Variants in SGCZ observed in about 807,000 individuals in gnomAD.
SGCZ encodes the protein zeta-sarcoglycan.
A neutral mutation model predicts 41.3 loss-of-function variants in SGCZ; 40 were observed. That is an observed-to-expected ratio of 0.97 (90% CI 0.75 to 1.26). SGCZ has a LOEUF of 1.26. Among genes scored for constraint, SGCZ ranks in the 50% most tolerant of loss-of-function variants. The pLI, the probability that SGCZ is intolerant of heterozygous loss-of-function variation, is 0.00. For synonymous variants in SGCZ, 206 were observed against 137.5 expected (o/e 1.50, Z -3.49); for missense variants, 552 against 369.8 (o/e 1.49, Z -4.04).
chr8:14,469,457 T>C (rs926727662), intron 2 of SGCZ, among the ~76,000 whole-genome samples: 5 of 152,124 alleles, frequency 3.3e-5, no homozygotes, highest in African/African-American at 1.2e-4. Context: ...ATTGTAAATC[T>C]ATATTTGTGT....
intron 4 of SGCZ, among the ~76,000 whole-genome samples, chr8:14,205,315 T>A (rs1805583644): frequency 6.6e-6 from 1 of 152,182 alleles, no homozygotes; most frequent in Non-Finnish European, 1.5e-5. Flanking sequence ...CTCTAGGGTT[T>A]TTGTGTATTG....
chr8:14,911,748 T>C (rs1297913526), intron 1 of SGCZ, among the ~76,000 whole-genome samples: 1 of 151,952 alleles, frequency 6.6e-6, no homozygotes, highest in Non-Finnish European at 1.5e-5. Flanking sequence ...TATGAATATA[T>C]GATTACCATT....
At chr8:14,136,964 G>A (rs983105068) in intron 5 of SGCZ, among the ~76,000 whole-genome samples, 2 of 152,152 alleles carry the variant, frequency 1.3e-5, no homozygotes, top group Non-Finnish European at 2.9e-5. Context: ...GAAGGATTAG[G>A]CAGCAACATT....
At chr8:14,157,968 G>T (rs563025833) in intron 5 of SGCZ, among the ~76,000 whole-genome samples, 52 of 152,158 alleles carry the variant, frequency 3.4e-4, no homozygotes, top group Non-Finnish European at 5.1e-4. Context: ...GATCACTTGA[G>T]GCCGGGAGTT....
At chr8:14,551,516 T>TATTTATATAA (rs1554537371) in intron 2 of SGCZ, among the ~76,000 whole-genome samples, 3 of 10,188 alleles carry the variant, frequency 2.9e-4, no homozygotes, top group Admixed American at 3.8e-3. Flanking sequence ...ATTATATATA[T>TATTTATATAA]TATATATAAT....
chr8:15,092,317 C>T lies in SGCZ; in HGVS notation c.39+145268G>A, dbSNP rs894025902. Among the ~76,000 whole-genome samples, 27 of 152,098 alleles carry T rather than the reference C, an allele frequency of 1.8e-4. 1 individual carries two copies. Among genetic ancestry groups the T allele is most frequent in the Admixed American group, 1.6e-3 (24 of 15,266 alleles). On this transcript the variant is annotated intron_variant, in intron 1 of 7. Transcript: ENST00000382080. ...GAATCAGTACTACAGTATAATCAAT[C>T]CTTAGAACTCCATAATTAATATGGG...
chr8:14,248,468 T>A (rs1799180996), intron 3 of SGCZ, among the ~76,000 whole-genome samples: 1 of 152,098 alleles, frequency 6.6e-6, no homozygotes, highest in Non-Finnish European at 1.5e-5. Context: ...AACTAGAAAG[T>A]AAGTAGGGAA....
At chr8:14,131,015 A>G (rs1337835885) in intron 5 of SGCZ, among the ~76,000 whole-genome samples, 1 of 152,178 alleles carries the variant, frequency 6.6e-6, no homozygotes, top group African/African-American at 2.4e-5. Flanking sequence ...AAACTCATCT[A>G]TAAAACCAGC....
intron 1 of SGCZ, among the ~76,000 whole-genome samples, chr8:14,611,447 G>A (rs1285359896): frequency 1.3e-5 from 2 of 152,108 alleles, no homozygotes; most frequent in African/African-American, 4.8e-5. Context: ...ATGTATCAGA[G>A]TGGCTTTAAA....
chr8:14,365,607 T>A (rs1803674946), intron 2 of SGCZ, among the ~76,000 whole-genome samples: 2 of 152,160 alleles, frequency 1.3e-5, no homozygotes, highest in African/African-American at 4.8e-5. Flanking sequence ...TTGAAAAGTT[T>A]AAGGTTAATG....
intron 1 of SGCZ, among the ~76,000 whole-genome samples, chr8:14,871,880 ATATGTATGTATATATG>A (rs1804165971): frequency 2.7e-5 from 4 of 149,990 alleles, no homozygotes; most frequent in African/African-American, 9.9e-5. Context: ...ATGTATGTAT[ATATGTATGTATATATG>A]TATGTATGTA....
In SGCZ at chr8:14,528,633, C is replaced by G. The variant is rs571761985; in HGVS notation, c.234+26099G>C. On this transcript the variant is annotated intron_variant, in intron 2 of 7. Coordinates refer to ENST00000382080, the MANE Select transcript of SGCZ (RefSeq NM_139167.4). ...CTCCAAATCCCCTGTTCCAACATAA[C>G]CAAACTACAGAATCAACTTCCATTA... 2.0e-5 allele frequency among the ~76,000 whole-genome samples: 3 copies of G among 151,974 alleles called. No homozygotes were observed. The South Asian group carries it at 6.2e-4, about 32-fold the overall frequency.
intron 2 of SGCZ, among the ~76,000 whole-genome samples, chr8:14,522,206 G>C (rs11203618): frequency 0.25 from 38,016 of 151,800 alleles, 5,046 homozygotes; most frequent in African/African-American, 0.34. Context: ...TATTCTATAA[G>C]GGATATTGGT....
At chr8:14,899,083 A>T (rs1563348374) in intron 1 of SGCZ, among the ~76,000 whole-genome samples, 1 of 151,540 alleles carries the variant, frequency 6.6e-6, no homozygotes, top group African/African-American at 2.4e-5. Flanking sequence ...AGGAACTGTA[A>T]TTTTTTTTTC....
chr8:15,041,758 T>TC (rs1489552685), intron 1 of SGCZ, among the ~76,000 whole-genome samples: 3 of 152,140 alleles, frequency 2.0e-5, no homozygotes, highest in Non-Finnish European at 2.9e-5. Context: ...GACTTTTTAA[T>TC]TCTTATATGG....
chr8:14,096,397 T>G (rs73520338), intron 7 of SGCZ, among the ~76,000 whole-genome samples: 3,304 of 152,246 alleles, frequency 0.022, 137 homozygotes, highest in African/African-American at 0.077. Context: ...ATGTGATTGA[T>G]TGATTACATA....
At chr8:15,236,733 T>A (rs944364613) in intron 1 of SGCZ, among the ~76,000 whole-genome samples, 1 of 152,170 alleles carries the variant, frequency 6.6e-6, no homozygotes, top group South Asian at 2.1e-4. Context: ...GAGGGGCGCG[T>A]TGTCACCCCG....
rs957784452 is a variant in SGCZ, at chr8:14,883,786, T to G, written c.40-328860A>C. 3.3e-5 allele frequency among the ~76,000 whole-genome samples: 5 copies of G among 151,114 alleles called. No homozygotes were observed. The East Asian group carries it at 5.9e-4, about 18-fold the overall frequency. ...TGCTGGCATCCTGTTGTTTTTTTTT[T>G]TTTTTTTTTTTCCAATAGTACCCTT... is the stretch of plus-strand genomic sequence containing the variant. On this transcript the variant is annotated intron_variant, in intron 1 of 7. Transcript: ENST00000382080.
chr8:14,489,724 C>T (rs1801786315), intron 2 of SGCZ, among the ~76,000 whole-genome samples: 1 of 152,036 alleles, frequency 6.6e-6, no homozygotes, highest in African/African-American at 2.4e-5. Context: ...TTTAGCTCCC[C>T]TATCTCCCAG....
Sources: gnomAD v4.1 joint callset for allele counts (sites outside exome capture counted in the v4.1 genomes callset) on GRCh38, gnomAD v4.1.1 for gene constraint, MANE v1.5 for transcripts, NCBI Gene and HGNC (gene_info 2026-07-23, HGNC 2026-07-21) for gene names.